RNASET2: variants seen among roughly 807,000 people sequenced by gnomAD.
RNASET2 encodes ribonuclease T2.
A neutral mutation model predicts 33.9 loss-of-function variants in RNASET2; 28 were observed. The ratio of observed to expected loss-of-function variants is 0.83; its 90% CI spans 0.61 to 1.13. The LOEUF (loss-of-function observed/expected upper bound fraction) is 1.13. RNASET2 is among the 50% of genes most tolerant of loss of function. The probability of loss-of-function intolerance (pLI) is 0.00; values close to 1 mark genes in which losing one functional copy is unlikely to be tolerated. For synonymous variants in RNASET2, 123 were observed against 121.0 expected (o/e 1.02, Z -0.11); for missense variants, 330 against 319.9 (o/e 1.03, Z -0.24).
intron 5 of RNASET2, 77 bp from the exon 6 acceptor site, chr6:166,939,085 AC>A: frequency 4.8e-6 from 5 of 1,047,204 alleles, no homozygotes; most frequent in Non-Finnish European, 7.4e-6. Context: ...TGTAATCCCA[AC>A]ACTTTGGGAG....
intron 8 of RNASET2, among the ~76,000 whole-genome samples, chr6:166,930,081 T>C (rs907630374): frequency 6.6e-6 from 1 of 152,196 alleles, no homozygotes; most frequent in African/African-American, 2.4e-5. Flanking sequence ...AGCCTCTGCT[T>C]TTATGTTAGA....
In RNASET2 at chr6:166,934,434, A is replaced by G. The variant is rs1778519527; in HGVS notation, c.447-298T>C. The G allele has an allele frequency of 1.1e-5, 4 of 378,694 alleles. No individual in the cohort carries two copies. In the South Asian group the frequency reaches 1.2e-4, roughly 12 times the overall value. The allele number at this position is 378,694 out of a possible 1,614,324, so 23.5% of individuals were successfully genotyped here. ...ACCGAGTGGAGCTGGCACACACATC[A>G]CCACCCGTTTGCCACACCTGCTTTA... is the stretch of plus-strand genomic sequence containing the variant. On this transcript the variant is annotated intron_variant, in intron 6 of 8. Transcript: ENST00000508775.
At position 166,928,041 on chromosome 6, in the gene RNASET2, G is replaced by C. The variant is rs535039340; in HGVS notation, c.*1547C>G. Among the ~76,000 whole-genome samples the C allele has an allele frequency of 6.6e-6, 1 of 152,352 alleles. No homozygotes were observed. Among genetic ancestry groups the C allele is most frequent in the East Asian group, 1.9e-4 (1 of 5,192 alleles). On this transcript the variant is annotated 3_prime_UTR_variant, in exon 9 of 9. Coordinates refer to ENST00000508775, the MANE Select transcript of RNASET2 (RefSeq NM_003730.6). ...CTAGCCTTCCCCACAGCTTGCAGAA[G>C]AGGGCTCAGCTCCTCCATTACAGAA...
In RNASET2 at chr6:166,955,395, GCGCACACACACA is replaced by G. The variant is rs956830117; in HGVS notation, c.86+690_86+701del. 3.2e-4 allele frequency: 84 copies of G among 262,140 alleles called. 4 individuals are homozygous for G. Among genetic ancestry groups the G allele is most frequent in the Admixed American group, 2.7e-3 (11 of 4,124 alleles). The allele number at this position is 262,140 out of a possible 1,614,324, so 16.2% of individuals were successfully genotyped here. A position where few individuals can be genotyped will look rare whatever the true frequency, so the allele number is the denominator to read the frequency against. ...CAAACGCACACGCACACACACACACGCGCACACACACACGCGCACACACACACACACGCGGAG... is the reference window on the plus strand; with the variant it reads ...CAAACGCACACGCACACACACACACGCGCGCACACACACACACACGCGGAG... On this transcript the variant is annotated intron_variant, in intron 1 of 8. Coordinates refer to ENST00000508775, the MANE Select transcript of RNASET2 (RefSeq NM_003730.6).
intron 2 of RNASET2, among the ~76,000 whole-genome samples, chr6:166,949,500 C>CA (rs61621125): frequency 0.056 from 2,454 of 44,062 alleles, 119 homozygotes; most frequent in East Asian, 0.12. Flanking sequence ...GACTCCATCT[C>CA]AAAAAAAAAA....
chr6:166,951,149 C>T (rs906701632), intron 2 of RNASET2, among the ~76,000 whole-genome samples: 14 of 152,330 alleles, frequency 9.2e-5, no homozygotes, highest in African/African-American at 3.1e-4. Flanking sequence ...ACAGAGGGCC[C>T]TTCCCTGTAT....
At chr6:166,944,409 C>T (rs975163756) in intron 4 of RNASET2, among the ~76,000 whole-genome samples, 1 of 152,006 alleles carries the variant, frequency 6.6e-6, no homozygotes, top group African/African-American at 2.4e-5. Flanking sequence ...ATTTGTAACT[C>T]AGCCCCTACC....
rs529673912 is a variant in RNASET2, at chr6:166,923,069, A to G, written c.*6519T>C. Among the ~76,000 whole-genome samples, 1 of 152,328 alleles carries G rather than the reference A, an allele frequency of 6.6e-6. No individual in the cohort carries two copies. Among genetic ancestry groups the G allele is most frequent in the African/African-American group, 2.4e-5 (1 of 41,554 alleles). On this transcript the variant is annotated 3_prime_UTR_variant, in exon 9 of 9. Transcript: ENST00000508775. ...CAGCATAAAGTCCATACAGCATTTA[A>G]TGGATCTTAACTTTATCCATCTCAA...
Position 166,943,053 on chromosome 6 carries a change from C to A in RNASET2, c.298G>T (p.Val100Leu). Residue 100 changes from valine to leucine, a missense_variant, in exon 5 of 9, where the codon GTA becomes TTA. By Grantham distance (32) the Val-to-Leu change is conservative. Coordinates refer to ENST00000508775, the MANE Select transcript of RNASET2 (RefSeq NM_003730.6). ...CTGCGATTGGGAAACGAGTGAATTA[C>A]GTCAGGCCAGTATGCCCTCATTTCT... ...LPEMRAYWPD[V>L]IHSFPNRSRF... is the part of the protein sequence containing the mutation. 1 of 1,613,636 alleles carries A rather than the reference C, an allele frequency of 6.2e-7. No individual in the cohort carries two copies. Among genetic ancestry groups the A allele is most frequent in the Non-Finnish European group, 8.5e-7 (1 of 1,179,798 alleles).
chr6:166,947,046 G>T (rs988472415), intron 3 of RNASET2, among the ~76,000 whole-genome samples: 1 of 152,060 alleles, frequency 6.6e-6, no homozygotes, highest in Middle Eastern at 3.2e-3. Context: ...GGGACTCTGG[G>T]GTCAGCCCCG....
chr6:166,955,264 C>CG lies in RNASET2; in HGVS notation c.86+832_86+833insC, dbSNP rs1200812111. Among the ~76,000 whole-genome samples the CG allele has an allele frequency of 3.6e-5, 4 of 110,750 alleles. 1 individual carries two copies. The highest frequency in any genetic ancestry group is 3.5e-4 in the South Asian group (1 of 2,836). The allele number at this position is 110,750 out of a possible 152,430, so 72.7% of individuals were successfully genotyped here. A position where few individuals can be genotyped will look rare whatever the true frequency, so the allele number is the denominator to read the frequency against. ...GCACACACACGCACACACGCACACACACACACGCGCACACACGACACACAC... is the reference window on the plus strand; with the variant it reads ...GCACACACACGCACACACGCACACACGACACACGCGCACACACGACACACAC... On this transcript the variant is annotated intron_variant, in intron 1 of 8. Transcript: ENST00000508775.
chr6:166,925,394 T>C lies in RNASET2; in HGVS notation c.*4194A>G, dbSNP rs151074034. Among the ~76,000 whole-genome samples the C allele has an allele frequency of 1.4e-5, 2 of 144,560 alleles. No individual in the cohort carries two copies. Among genetic ancestry groups the C allele is most frequent in the Admixed American group, 6.8e-5 (1 of 14,602 alleles). The allele number at this position is 144,560 out of a possible 152,430, so 94.8% of individuals were successfully genotyped here. On this transcript the variant is annotated 3_prime_UTR_variant, in exon 9 of 9. Coordinates refer to ENST00000508775, the MANE Select transcript of RNASET2 (RefSeq NM_003730.6). Reference sequence around the variant, plus strand: ...CCACCCAGGCCTCATCTACACTGCCTAGCCCTCACCTCCCCTGTCCAGCCC... The same window carrying C: ...CCACCCAGGCCTCATCTACACTGCCCAGCCCTCACCTCCCCTGTCCAGCCC...
chr6:166,924,273 G>C lies in RNASET2; in HGVS notation c.*5315C>G, dbSNP rs556957381. On this transcript the variant is annotated 3_prime_UTR_variant, in exon 9 of 9. Transcript: ENST00000508775. ...CCGCCACCATGCCCGGCCAATTTTT[G>C]TATTTTTAGTAGAGATGGAGTTTCA... Among the ~76,000 whole-genome samples, 4 of 151,956 alleles carry C rather than the reference G, an allele frequency of 2.6e-5. No homozygotes were observed. Among genetic ancestry groups the C allele is most frequent in the African/African-American group, 9.6e-5 (4 of 41,474 alleles).
intron 1 of RNASET2, 82 bp downstream of exon 1, chr6:166,956,015 C>T (rs1200357987): frequency 5.0e-6 from 7 of 1,395,920 alleles, no homozygotes; most frequent in East Asian, 2.5e-5. Flanking sequence ...ACCGCCGACC[C>T]CGAGAGCTGC....
intron 4 of RNASET2, chr6:166,943,865 T>C: frequency 4.9e-6 from 2 of 412,284 alleles, no homozygotes; most frequent in South Asian, 3.6e-5. Flanking sequence ...CTCACGCCTG[T>C]AATCCCAGCA....
At chr6:166,949,772 C>T (rs527889259) in intron 2 of RNASET2, among the ~76,000 whole-genome samples, 1 of 152,310 alleles carries the variant, frequency 6.6e-6, no homozygotes, top group African/African-American at 2.4e-5. Context: ...GCCTGCACCA[C>T]ACGGGGCTCT....
At chr6:166,955,397 G>GCA (rs1199604988) in intron 1 of RNASET2, 30 of 519,624 alleles carry the variant, frequency 5.8e-5, no homozygotes, top group Middle Eastern at 1.0e-3. Flanking sequence ...ACACACACGC[G>GCA]CACACACACA....
Position 166,929,718 on chromosome 6 carries a change from G to A in RNASET2, c.641C>T (p.Thr214Ile). 1 of 1,614,138 alleles carries A rather than the reference G, an allele frequency of 6.2e-7. No homozygotes were observed. Among genetic ancestry groups the A allele is most frequent in the African/African-American group, 1.3e-5 (1 of 75,032 alleles). ...TKQDQQLQNC[T>I]EPGEQPSPKQ... Reference sequence around the variant, plus strand: ...GGGGGACGGCTGCTCCCCCGGCTCGGTGCAGTTTTGCAGCTGCTGGTCTTG... The same window carrying A: ...GGGGGACGGCTGCTCCCCCGGCTCGATGCAGTTTTGCAGCTGCTGGTCTTG... The change falls in exon 9 of 9, where the codon ACC (threonine) becomes ATC (isoleucine). Residue 214 changes from threonine (T) to isoleucine (I), a missense_variant. Transcript: ENST00000508775.
chr6:166,948,176 T>C (rs1305739621), intron 3 of RNASET2, among the ~76,000 whole-genome samples: 2 of 152,060 alleles, frequency 1.3e-5, no homozygotes, highest in African/African-American at 4.8e-5. Context: ...TGAAATCCTG[T>C]CTCTACTAAA....
Sources: allele counts gnomAD v4.1 joint callset (sites outside exome capture counted in the v4.1 genomes callset), GRCh38; gene constraint gnomAD v4.1.1; transcripts MANE v1.5; gene names NCBI Gene and HGNC (gene_info 2026-07-23, HGNC 2026-07-21).